Variants in CACNA2D3 observed in about 807,000 individuals in gnomAD.
CACNA2D3 encodes calcium voltage-gated channel auxiliary subunit alpha2delta 3.
A neutral mutation model predicts 160.6 loss-of-function variants in CACNA2D3; 60 were observed. The ratio of observed to expected loss-of-function variants is 0.37; its 90% CI spans 0.30 to 0.46. The LOEUF (loss-of-function observed/expected upper bound fraction) is 0.46. Among genes scored for constraint, CACNA2D3 ranks in the 20% least tolerant of loss-of-function variants. The pLI, the probability that CACNA2D3 is intolerant of heterozygous loss-of-function variation, is 1.00. For missense variants in CACNA2D3, 1,205 were observed against 1,365.0 expected, an observed-to-expected ratio of 0.88 and a Z score of 1.85; for synonymous variants, 558 against 492.9, an observed-to-expected ratio of 1.13 and a Z score of -1.75.
intron 13 of CACNA2D3, among the ~76,000 whole-genome samples, chr3:54,771,265 G>A (rs1258098369): frequency 6.6e-6 from 1 of 152,172 alleles, no homozygotes. Context: ...TCACCTGTAT[G>A]GCTCTGCTAG....
At chr3:54,777,224 T>C (rs955764506) in intron 13 of CACNA2D3, among the ~76,000 whole-genome samples, 22 of 152,170 alleles carry the variant, frequency 1.4e-4, no homozygotes, top group African/African-American at 5.3e-4. Flanking sequence ...AAAGACACCA[T>C]AGGTAAGGAC....
chr3:54,770,176 C>T (rs1370396037), intron 13 of CACNA2D3, among the ~76,000 whole-genome samples: 1 of 152,122 alleles, frequency 6.6e-6, no homozygotes, highest in Non-Finnish European at 1.5e-5. Flanking sequence ...TATAAATATC[C>T]TATAAAGAGA....
chr3:54,478,480 A>C (rs1488969714), intron 4 of CACNA2D3, among the ~76,000 whole-genome samples: 1 of 151,232 alleles, frequency 6.6e-6, no homozygotes, highest in Non-Finnish European at 1.5e-5. Context: ...AAAATACAAA[A>C]AATTAGCCAG....
chr3:54,382,113 G>T (rs930785892), intron 3 of CACNA2D3, among the ~76,000 whole-genome samples: 1 of 152,060 alleles, frequency 6.6e-6, no homozygotes, highest in South Asian at 2.1e-4. Context: ...CAGTGTTCAC[G>T]TTTAATTAAA....
At chr3:54,892,978 A>G (rs1308841032) in intron 25 of CACNA2D3, among the ~76,000 whole-genome samples, 1 of 152,218 alleles carries the variant, frequency 6.6e-6, no homozygotes, top group Non-Finnish European at 1.5e-5. Flanking sequence ...GTGAAGATCA[A>G]AAAAAATTAT....
rs567303759 is a variant in CACNA2D3 at position 54,979,836 on chromosome 3, G to A, written c.2557-4772G>A. ...TGATTATAAACCATCTCTTGAAGAA[G>A]ATTAAAACAAGACAACAGTTGTCTG... On this transcript the variant is annotated intron_variant, in intron 29 of 37. Transcript: ENST00000474759. Among the ~76,000 whole-genome samples the A allele has an allele frequency of 6.6e-5, 10 of 152,212 alleles. No individual in the cohort carries two copies. The South Asian group carries it at 2.1e-3, about 32-fold the overall frequency.
chr3:55,018,112 C>A, intron 34 of CACNA2D3, 94 bp from the exon 35 acceptor site: 2 of 722,856 alleles, frequency 2.8e-6, no homozygotes, highest in African/African-American at 1.7e-5. Context: ...GCAGCAGAAG[C>A]GGAACTGTGT....
At chr3:54,703,262 A>C (rs181009027) in intron 11 of CACNA2D3, among the ~76,000 whole-genome samples, 1 of 152,284 alleles carries the variant, frequency 6.6e-6, no homozygotes, top group Admixed American at 6.5e-5. Flanking sequence ...AGGATAAAAA[A>C]ATAAATAAAA....
intron 2 of CACNA2D3, among the ~76,000 whole-genome samples, chr3:54,303,068 C>T (rs7433995): frequency 0.24 from 36,392 of 151,980 alleles, 4,557 homozygotes; most frequent in South Asian, 0.34. Flanking sequence ...CCTTTGCTCT[C>T]CATCTAACTT....
At chr3:54,137,206 G>C (rs926381071) in intron 2 of CACNA2D3, among the ~76,000 whole-genome samples, 5 of 152,188 alleles carry the variant, frequency 3.3e-5, no homozygotes, top group African/African-American at 9.7e-5. Context: ...GATTTTCCCT[G>C]CCATAGAAAT....
chr3:54,848,474 A>G (rs1203716103), intron 17 of CACNA2D3, among the ~76,000 whole-genome samples: 2 of 152,210 alleles, frequency 1.3e-5, no homozygotes, highest in African/African-American at 2.4e-5. Flanking sequence ...CATATGAACC[A>G]TGTTGCAGCT....
At chr3:54,959,434 A>G (rs761961252) in intron 27 of CACNA2D3, among the ~76,000 whole-genome samples, 3 of 152,202 alleles carry the variant, frequency 2.0e-5, no homozygotes, top group Non-Finnish European at 4.4e-5. Context: ...TGGACTGCCC[A>G]CGTGGAGATT....
intron 17 of CACNA2D3, among the ~76,000 whole-genome samples, chr3:54,868,186 T>C (rs1288499482): frequency 1.3e-5 from 2 of 152,214 alleles, no homozygotes; most frequent in Non-Finnish European, 2.9e-5. Flanking sequence ...CACTGACTTT[T>C]CCTTTTCTCA....
chr3:54,569,017 CT>C (rs1245274536), intron 6 of CACNA2D3, among the ~76,000 whole-genome samples: 1 of 152,222 alleles, frequency 6.6e-6, no homozygotes, highest in Non-Finnish European at 1.5e-5. Flanking sequence ...GTTGCAAATC[CT>C]CCATCCCTGA....
chr3:54,994,298 T>C (rs113151732), intron 31 of CACNA2D3, among the ~76,000 whole-genome samples: 1 of 152,084 alleles, frequency 6.6e-6, no homozygotes, highest in African/African-American at 2.4e-5. Context: ...AATTCTGTTA[T>C]GTTTGGATGG....
chr3:54,845,721 C>G (rs980994990), intron 16 of CACNA2D3, among the ~76,000 whole-genome samples: 16 of 152,136 alleles, frequency 1.1e-4, no homozygotes, highest in African/African-American at 3.9e-4. Flanking sequence ...TCCCATAGTC[C>G]CATTTAGTCA....
intron 27 of CACNA2D3, among the ~76,000 whole-genome samples, chr3:54,900,421 T>C (rs1700300734): frequency 6.6e-6 from 1 of 152,218 alleles, no homozygotes; most frequent in Non-Finnish European, 1.5e-5. Flanking sequence ...CGTTTCTGGC[T>C]TTTTCCATTT....
chr3:54,365,007 G>C (rs1331039127), intron 3 of CACNA2D3, among the ~76,000 whole-genome samples: 1 of 152,192 alleles, frequency 6.6e-6, no homozygotes, highest in East Asian at 1.9e-4. Flanking sequence ...TGTCTGATAG[G>C]AGATAAATGG....
intron 11 of CACNA2D3, among the ~76,000 whole-genome samples, chr3:54,725,491 TAACATTG>T: frequency 6.6e-6 from 1 of 152,062 alleles, no homozygotes; most frequent in Non-Finnish European, 1.5e-5. Flanking sequence ...TATTGCTCAT[TAACATTG>T]ATGCAAAAAT....
Sources: gnomAD v4.1 joint callset for allele counts (sites outside exome capture counted in the v4.1 genomes callset) on GRCh38, gnomAD v4.1.1 for gene constraint, MANE v1.5 for transcripts, NCBI Gene and HGNC (gene_info 2026-07-23, HGNC 2026-07-21) for gene names.